The following RFX7 variants were observed in gnomAD, a reference collection of about 807,000 sequenced individuals.
The protein encoded by RFX7 is DNA-binding protein RFX7.
A neutral mutation model predicts 111.8 loss-of-function variants in RFX7; 26 were observed. That is an observed-to-expected ratio of 0.23 (90% confidence interval 0.17 to 0.32). The LOEUF (loss-of-function observed/expected upper bound fraction) is 0.32. Among genes scored for constraint, RFX7 ranks in the 10% least tolerant of loss-of-function variants. The pLI, the probability that RFX7 is intolerant of heterozygous loss-of-function variation, is 1.00. For missense variants in RFX7, 1,573 were observed against 1,772.9 expected (o/e 0.89, Z 2.02); for synonymous variants, 624 against 624.4 (o/e 1.00, Z 0.01).
chr15:56,111,085 C>T (rs1313973429), intron 5 of RFX7, among the ~76,000 whole-genome samples: 16 of 125,990 alleles, frequency 1.3e-4, no homozygotes, highest in Non-Finnish European at 1.8e-4. Flanking sequence ...CGCCTCTGCC[C>T]GGCCGCCCCT....
intron 2 of RFX7, among the ~76,000 whole-genome samples, chr15:56,216,163 AT>A (rs1292524099): frequency 6.6e-6 from 1 of 152,174 alleles, no homozygotes; most frequent in African/African-American, 2.4e-5. Flanking sequence ...TTGTAAACAT[AT>A]TTTTTAACTA....
intron 2 of RFX7, among the ~76,000 whole-genome samples, chr15:56,213,575 G>T (rs572786230): frequency 6.6e-6 from 1 of 152,140 alleles, no homozygotes; most frequent in Non-Finnish European, 1.5e-5. Context: ...TACCATGAGG[G>T]ATATTTGCAG....
At chr15:56,141,254 AG>A (rs2042388386) in intron 5 of RFX7, among the ~76,000 whole-genome samples, 1 of 138,330 alleles carries the variant, frequency 7.2e-6, no homozygotes, top group African/African-American at 2.7e-5. Flanking sequence ...GGGCTGAGGC[AG>A]GAGGATCGCT....
At chr15:56,139,001 G>C (rs1317546305) in intron 5 of RFX7, among the ~76,000 whole-genome samples, 21 of 151,982 alleles carry the variant, frequency 1.4e-4, no homozygotes, top group Admixed American at 3.3e-4. Context: ...AGTCTGATGG[G>C]CTTCCCATTG....
At position 56,167,721 on chromosome 15, in the gene RFX7, T is replaced by C. The variant is rs373838235; in HGVS notation, c.195+11549A>G. Among the ~76,000 whole-genome samples the C allele has an allele frequency of 4.6e-5, 7 of 152,344 alleles. No individual in the cohort carries two copies. The South Asian group carries it at 1.0e-3, about 23-fold the overall frequency. ...TGTCTTTACCAATAAACAGATAAAT[T>C]TTTTCATAGCTTTAAAACTAGAAAA... On this transcript the variant is annotated intron_variant, in intron 3 of 9. Transcript: ENST00000559447.
At chr15:56,181,231 G>A (rs34677866) in intron 2 of RFX7, among the ~76,000 whole-genome samples, 86 of 152,310 alleles carry the variant, frequency 5.6e-4, no homozygotes, top group Admixed American at 9.8e-4. Context: ...CGGCAGGAGT[G>A]GGCCCTGCAC....
intron 5 of RFX7, among the ~76,000 whole-genome samples, chr15:56,140,628 C>G (rs963993281): frequency 4.6e-5 from 7 of 152,138 alleles, no homozygotes; most frequent in Non-Finnish European, 8.8e-5. Flanking sequence ...GCTCCTTCCC[C>G]GCTAAATCAC....
intron 2 of RFX7, among the ~76,000 whole-genome samples, chr15:56,224,290 C>T (rs1191449517): frequency 3.3e-5 from 5 of 152,030 alleles, no homozygotes; most frequent in African/African-American, 1.2e-4. Context: ...ATTCTGTAAG[C>T]AAGCAATTTT....
chr15:56,100,901 A>G (rs2041743448), intron 8 of RFX7, among the ~76,000 whole-genome samples: 1 of 152,152 alleles, frequency 6.6e-6, no homozygotes, highest in African/African-American at 2.4e-5. Flanking sequence ...TTTTGAGGCT[A>G]AGTTACCTGT....
chr15:56,123,615 G>A (rs774117041), intron 5 of RFX7, among the ~76,000 whole-genome samples: 2 of 152,178 alleles, frequency 1.3e-5, no homozygotes, highest in East Asian at 1.9e-4. Flanking sequence ...CACTGGTTCC[G>A]AGCCCAGCAA....
At chr15:56,135,570 G>C (rs1368018613) in intron 5 of RFX7, among the ~76,000 whole-genome samples, 2 of 151,630 alleles carry the variant, frequency 1.3e-5, no homozygotes, top group South Asian at 2.1e-4. Context: ...TAGGTTGCCT[G>C]TTCACTCTGA....
At chr15:56,224,527 C>T (rs79679510) in intron 2 of RFX7, among the ~76,000 whole-genome samples, 10,186 of 145,920 alleles carry the variant, frequency 0.07, 458 homozygotes, top group Admixed American at 0.11. Flanking sequence ...ATTAACTATA[C>T]GGCATTTTTT....
At chr15:56,118,196 T>C (rs1263350953) in intron 5 of RFX7, among the ~76,000 whole-genome samples, 1 of 152,110 alleles carries the variant, frequency 6.6e-6, no homozygotes, top group Non-Finnish European at 1.5e-5. Flanking sequence ...CAACAATCCA[T>C]TTATACTCTT....
At chr15:56,217,126 AG>A (rs2043370373) in intron 2 of RFX7, among the ~76,000 whole-genome samples, 1 of 152,210 alleles carries the variant, frequency 6.6e-6, no homozygotes, top group South Asian at 2.1e-4. Context: ...CTTTCTATAT[AG>A]ACACATATGT....
rs938052367 is a variant in RFX7, at chr15:56,092,342, C to A, written c.*1003G>T. 6.6e-6 allele frequency: 1 copy of A among 152,324 alleles called. No homozygotes were observed. Among genetic ancestry groups the A allele is most frequent in the African/African-American group, 2.4e-5 (1 of 41,384 alleles). The allele number at this position is 152,324 out of a possible 1,614,324, so 9.4% of individuals were successfully genotyped here. On this transcript the variant is annotated 3_prime_UTR_variant, in exon 10 of 10. Coordinates refer to ENST00000559447, the MANE Select transcript of RFX7 (RefSeq NM_022841.7). The stretch of plus-strand genomic sequence containing the variant: ...GGGATCCTATGATCAAACTACATTA[C>A]TATATTCAGGAGGAGTGAGGGAGTC...
upstream of RFX7, chr15:56,244,229 T>A (rs2043780327): frequency 1.3e-5 from 2 of 152,078 alleles, no homozygotes; most frequent in East Asian, 3.9e-4. Flanking sequence ...CCCCTGCACA[T>A]GCATGTGAGG....
chr15:56,111,656 TAA>T (rs1309338509), intron 5 of RFX7, among the ~76,000 whole-genome samples: 2 of 20,276 alleles, frequency 9.9e-5, no homozygotes, highest in African/African-American at 3.5e-4. Context: ...AAAAAATAAA[TAA>T]ACCAAAAAAA....
Position 56,096,374 on chromosome 15 carries a change from A to G in RFX7, c.1354T>C (p.Phe452Leu). The G allele has an allele frequency of 6.2e-7, 1 of 1,613,962 alleles. No homozygotes were observed. The highest frequency in any genetic ancestry group is 8.5e-7 in the Non-Finnish European group (1 of 1,179,872). ...LTIRSPTTVL[F>L]TSSPIKTAVV... ...GCAGTTTTGATGGGACTACTAGTAA[A>G]GAGGACAGTAGTTGGAGAGCGAATG... is the stretch of plus-strand genomic sequence containing the variant. The change falls in exon 10 of 10, where the codon TTT (phenylalanine) becomes CTT (leucine). Residue 452 changes from phenylalanine to leucine, a missense_variant. Phe to Leu is a conservative substitution (Grantham distance 22). This residue lies in a region of RFX7 where 288 missense variants were observed against 337.9 expected (regional missense o/e 0.85). Coordinates refer to ENST00000559447, the MANE Select transcript of RFX7 (RefSeq NM_022841.7).
chr15:56,088,161 GA>G lies in RFX7; in HGVS notation c.*5183del, dbSNP rs549643593. The G allele has an allele frequency of 3.3e-3, 646 of 197,844 alleles. 1 individual carries two copies. Among genetic ancestry groups the G allele is most frequent in the Middle Eastern group, 8.0e-3 (4 of 502 alleles). 12.3% of individuals were successfully genotyped at this position (197,844 alleles called of 1,614,324 possible). A position where few individuals can be genotyped will look rare whatever the true frequency, so the allele number is the denominator to read the frequency against. On this transcript the variant is annotated 3_prime_UTR_variant, in exon 10 of 10. Coordinates refer to ENST00000559447, the MANE Select transcript of RFX7 (RefSeq NM_022841.7). ...TCAATTCTAAATTTAAAACCAGAAT[GA>G]AAATTTCAAAGAAGCAACCAGATCA...
Sources: allele counts gnomAD v4.1 joint callset (sites outside exome capture counted in the v4.1 genomes callset), GRCh38; gene constraint gnomAD v4.1.1; regional missense constraint gnomAD v4.1.1; transcripts MANE v1.5; gene names NCBI Gene and HGNC (gene_info 2026-07-23, HGNC 2026-07-21).